The following SAMD4A variants were observed in gnomAD, a reference collection of about 807,000 sequenced individuals.
SAMD4A encodes the protein sterile alpha motif domain containing 4A.
Under a neutral mutation model 81.3 loss-of-function variants are expected in SAMD4A, and 33 were observed. The ratio of observed to expected loss-of-function variants is 0.41; its 90% CI spans 0.31 to 0.54. SAMD4A has a LOEUF of 0.54. SAMD4A is among the 20% of genes least tolerant of loss of function. The pLI, the probability that SAMD4A is intolerant of heterozygous loss-of-function variation, is 0.37. For synonymous variants in SAMD4A, 389 were observed against 382.1 expected (o/e 1.02, Z -0.21); for missense variants, 854 against 951.1 (o/e 0.90, Z 1.34).
At chr14:54,582,472 G>A (rs115576905) in intron 2 of SAMD4A, among the ~76,000 whole-genome samples, 2,187 of 152,178 alleles carry the variant, frequency 0.014, 46 homozygotes, top group African/African-American at 0.045. Flanking sequence ...AAGATGCCTC[G>A]TCGTCCCCTG....
Position 54,702,242 on chromosome 14 carries a change from T to C in SAMD4A, c.377T>C (p.Leu126Pro). The C allele has an allele frequency of 6.2e-7, 1 of 1,614,220 alleles. No homozygotes were observed. Among genetic ancestry groups the C allele is most frequent in the Non-Finnish European group, 8.5e-7 (1 of 1,180,026 alleles). The change falls in exon 3 of 13, where the codon CTG (leucine) becomes CCG (proline). Residue 126 changes from leucine to proline, a missense_variant. By Grantham distance (98) the Leu-to-Pro change is moderately conservative (BLOSUM62 -3). Coordinates refer to ENST00000554335, the MANE Select transcript of SAMD4A (RefSeq NM_015589.6). ...CACATTGAGGAGAGCAGGCAGCTGC[T>C]GTCCTATGCTTTGATACATCCAGCC... ...NQHIEESRQL[L>P]SYALIHPATS...
chr14:54,580,711 G>A (rs1047179103), intron 2 of SAMD4A, among the ~76,000 whole-genome samples: 16 of 151,970 alleles, frequency 1.1e-4, no homozygotes, highest in African/African-American at 3.6e-4. Context: ...CTGGTGCCCT[G>A]CTGATACCTT....
Position 54,581,432 on chromosome 14 carries a change from G to A in SAMD4A, c.196+13320G>A, listed in dbSNP as rs534052839. 5.3e-5 allele frequency among the ~76,000 whole-genome samples: 8 copies of A among 152,348 alleles called. No individual in the cohort carries two copies. The South Asian group carries it at 6.2e-4, about 12-fold the overall frequency. On this transcript the variant is annotated intron_variant, in intron 2 of 12. Coordinates refer to ENST00000554335, the MANE Select transcript of SAMD4A (RefSeq NM_015589.6). ...TGGGCCTGAACTAAGGCTTGGATCCGATGATCCAATTCAATTGGGACTTTA... is the reference window on the plus strand; with the variant it reads ...TGGGCCTGAACTAAGGCTTGGATCCAATGATCCAATTCAATTGGGACTTTA...
Position 54,737,173 on chromosome 14 carries a change from GC to G in SAMD4A, c.871del (p.Leu291CysfsTer7). The G allele has an allele frequency of 6.2e-7, 1 of 1,614,044 alleles. No individual in the cohort carries two copies. The highest frequency in any genetic ancestry group is 8.5e-7 in the Non-Finnish European group (1 of 1,179,996). ...ACCCCAGTGCCTCCCATCCGATCATGCCCCCCTGTCTCCACAAAGCAGTGTA... is the reference window on the plus strand; with the variant it reads ...ACCCCAGTGCCTCCCATCCGATCATGCCCCCTGTCTCCACAAAGCAGTGTA... ...RGPQCLPSDH[A>X]PLSPQSSVAS... On this transcript the variant is annotated frameshift_variant, in exon 4 of 13. Coordinates refer to ENST00000554335, the MANE Select transcript of SAMD4A (RefSeq NM_015589.6). LOFTEE classifies it high-confidence loss of function.
intron 2 of SAMD4A, among the ~76,000 whole-genome samples, chr14:54,657,287 G>A (rs2035540634): frequency 6.6e-6 from 1 of 152,160 alleles, no homozygotes. Context: ...ATAATCAGCT[G>A]AAACTTTCCT....
At position 54,661,757 on chromosome 14, in the gene SAMD4A, A is replaced by T. The variant is rs754927614; in HGVS notation, c.197-40305A>T. ...CGTGTGGATGACTTGCCCCAAACCC[A>T]TCCCCACTACTGGAGAAACACCTCT... On this transcript the variant is annotated intron_variant, in intron 2 of 12. Transcript: ENST00000554335. Among the ~76,000 whole-genome samples, 88 of 152,134 alleles carry T rather than the reference A, an allele frequency of 5.8e-4. 2 individuals carry two copies. Among genetic ancestry groups the T allele is most frequent in the Non-Finnish European group, 7.4e-4 (50 of 68,004 alleles).
At chr14:54,566,654 A>G (rs2032944643), upstream of SAMD4A, among the ~76,000 whole-genome samples, 1 of 151,658 alleles carries the variant, frequency 6.6e-6, no homozygotes, top group Non-Finnish European at 1.5e-5. Context: ...GCGTGTGCCC[A>G]GCGCTGTGCC....
intron 2 of SAMD4A, among the ~76,000 whole-genome samples, chr14:54,650,495 G>A (rs371490455): frequency 5.3e-5 from 8 of 152,182 alleles, no homozygotes; most frequent in African/African-American, 1.4e-4. Context: ...TCCTGCGACT[G>A]GACTGTGGTC....
At chr14:54,618,267 T>C (rs1010045711) in intron 2 of SAMD4A, among the ~76,000 whole-genome samples, 2 of 152,186 alleles carry the variant, frequency 1.3e-5, no homozygotes, top group African/African-American at 2.4e-5. Flanking sequence ...CCAACTATGC[T>C]TTCACCTTGG....
chr14:54,780,226 C>G (rs1026255674), intron 11 of SAMD4A, among the ~76,000 whole-genome samples: 1 of 152,166 alleles, frequency 6.6e-6, no homozygotes, highest in East Asian at 1.9e-4. Context: ...TGCAAACTAC[C>G]CTTGGTTGTG....
chr14:54,638,123 G>A (rs1886460), intron 2 of SAMD4A, among the ~76,000 whole-genome samples: 101,794 of 152,044 alleles, frequency 0.67, 34,670 homozygotes, highest in East Asian at 0.89. Context: ...TTATGGCACA[G>A]CATATGGAGT....
Position 54,762,112 on chromosome 14 carries a change from C to G in SAMD4A, c.1510+1618C>G, listed in dbSNP as rs542827928. On this transcript the variant is annotated intron_variant, in intron 7 of 12. Transcript: ENST00000554335. ...GCACGCCTGTCGGGGAGGGTAGACT[C>G]CACAGCGTGGTCCTTTGGGTAAGAG... Among the ~76,000 whole-genome samples, 115 of 152,298 alleles carry G rather than the reference C, an allele frequency of 7.6e-4. 1 individual carries two copies. The highest frequency in any genetic ancestry group is 2.7e-3 in the African/African-American group (112 of 41,552).
At chr14:54,763,492 A>G (rs1040576968) in intron 7 of SAMD4A, among the ~76,000 whole-genome samples, 2 of 152,228 alleles carry the variant, frequency 1.3e-5, no homozygotes, top group African/African-American at 4.8e-5. Context: ...AGTCCCAATT[A>G]ATAGGCAGTG....
In SAMD4A at chr14:54,789,280, G is replaced by C. The variant is rs922984137; in HGVS notation, c.*336G>C. ...GGGACAGGGGAAAGAGTACTGCCAT[G>C]AAAGAGATAGGAGACACATAAGAGG... On this transcript the variant is annotated 3_prime_UTR_variant, in exon 13 of 13. Coordinates refer to ENST00000554335, the MANE Select transcript of SAMD4A (RefSeq NM_015589.6). 7.6e-6 allele frequency: 3 copies of C among 392,408 alleles called. No homozygotes were observed. Among genetic ancestry groups the C allele is most frequent in the Non-Finnish European group, 1.4e-5 (3 of 212,898 alleles). The allele number at this position is 392,408 out of a possible 1,614,324, so 24.3% of individuals were successfully genotyped here.
chr14:54,739,700 C>T (rs961286065), intron 4 of SAMD4A, among the ~76,000 whole-genome samples: 1 of 152,152 alleles, frequency 6.6e-6, no homozygotes, highest in Non-Finnish European at 1.5e-5. Context: ...CCCTCCCCAG[C>T]CTTGCTGCAA....
At chr14:54,608,587 G>A (rs1487796895) in intron 2 of SAMD4A, among the ~76,000 whole-genome samples, 1 of 152,152 alleles carries the variant, frequency 6.6e-6, no homozygotes, top group Non-Finnish European at 1.5e-5. Flanking sequence ...GTCTAATACT[G>A]GACATGCTGT....
chr14:54,671,983 A>G (rs964592933), intron 2 of SAMD4A, among the ~76,000 whole-genome samples: 14 of 144,866 alleles, frequency 9.7e-5, no homozygotes, highest in Non-Finnish European at 2.1e-4. Flanking sequence ...ATGTCACACC[A>G]TTACCCCCAT....
intron 2 of SAMD4A, among the ~76,000 whole-genome samples, chr14:54,577,406 C>T (rs899506789): frequency 6.6e-6 from 1 of 152,192 alleles, no homozygotes; most frequent in African/African-American, 2.4e-5. Flanking sequence ...TTTGTAAAGT[C>T]TATGGATGAA....
chr14:54,737,939 C>A (rs17127854), intron 4 of SAMD4A, among the ~76,000 whole-genome samples: 1 of 126,620 alleles, frequency 7.9e-6, no homozygotes, highest in Non-Finnish European at 1.7e-5. Flanking sequence ...CCTCCATTGC[C>A]TTGTGAATCT....
Sources: gnomAD v4.1 joint callset for allele counts (sites outside exome capture counted in the v4.1 genomes callset) on GRCh38, gnomAD v4.1.1 for gene constraint, MANE v1.5 for transcripts, NCBI Gene and HGNC (gene_info 2026-07-23, HGNC 2026-07-21) for gene names.